PCDHA3: variants seen among roughly 807,000 people sequenced by gnomAD.
The protein encoded by PCDHA3 is protocadherin alpha 3.
PCDHA3 carries 41 observed loss-of-function variants against 62.2 expected under a neutral mutation model. The observed-to-expected ratio is 0.66, with a 90% CI of 0.51 to 0.86. The LOEUF is 0.86. Among genes scored for constraint, PCDHA3 ranks in the 40% least tolerant of loss-of-function variants. The pLI, the probability that PCDHA3 is intolerant of heterozygous loss-of-function variation, is 0.00. For missense variants in PCDHA3, 1,304 were observed against 1,241.2 expected (o/e 1.05, Z -0.76); for synonymous variants, 640 against 555.4 (o/e 1.15, Z -2.14).
intron 1 of PCDHA3, among the ~76,000 whole-genome samples, chr5:140,887,546 T>C (rs1554183101): frequency 1.3e-5 from 2 of 152,114 alleles, no homozygotes; most frequent in Non-Finnish European, 2.9e-5. Flanking sequence ...CCACCCCTCA[T>C]GGTTACTGTT....
At chr5:140,882,534 G>C in intron 1 of PCDHA3, 1 of 1,614,204 alleles carries the variant, frequency 6.2e-7, no homozygotes. Flanking sequence ...GTGAATTCTC[G>C]GATCGACCGC....
At chr5:140,968,167 A>C (rs782252124) in intron 1 of PCDHA3, 1 of 1,614,076 alleles carries the variant, frequency 6.2e-7, no homozygotes, top group Admixed American at 1.7e-5. Flanking sequence ...ACAATCCACC[A>C]AGCTTCCTGG....
intron 1 of PCDHA3, among the ~76,000 whole-genome samples, chr5:140,837,942 G>T (rs1554136705): frequency 2.0e-5 from 3 of 151,768 alleles, no homozygotes; most frequent in Admixed American, 1.3e-4. Flanking sequence ...GCCTCCCAAA[G>T]TATTGGGATT....
chr5:140,982,706 T>C, intron 3 of PCDHA3, 143 bp downstream of exon 3: 1 of 1,375,170 alleles, frequency 7.3e-7, no homozygotes, highest in Admixed American at 2.9e-5. Flanking sequence ...ATGATTTCCT[T>C]ACATATATGA....
At chr5:140,828,970 T>C in intron 1 of PCDHA3, 1 of 1,614,206 alleles carries the variant, frequency 6.2e-7, no homozygotes, top group Non-Finnish European at 8.5e-7. Flanking sequence ...TTGACCACTT[T>C]AGCATAGATC....
At chr5:140,902,324 C>A (rs1554190388) in intron 1 of PCDHA3, among the ~76,000 whole-genome samples, 1 of 151,472 alleles carries the variant, frequency 6.6e-6, no homozygotes, top group Non-Finnish European at 1.5e-5. Context: ...AGGTGTAACT[C>A]ACTTCGCCTG....
rs149296153 is a variant in PCDHA3, at chr5:140,837,442, G to A, written c.2394+33851G>A. Among the ~76,000 whole-genome samples the A allele has an allele frequency of 1.9e-4, 29 of 151,938 alleles. No individual in the cohort carries two copies. The East Asian group carries it at 5.2e-3, about 27-fold the overall frequency. Reference sequence around the variant, plus strand: ...AATTTCAAAGAGTGAAATCTAGTACGTAGTAAAAAATCTCCTTGCCTCCTC... The same window carrying A: ...AATTTCAAAGAGTGAAATCTAGTACATAGTAAAAAATCTCCTTGCCTCCTC... On this transcript the variant is annotated intron_variant, in intron 1 of 3. Coordinates refer to ENST00000522353, the MANE Select transcript of PCDHA3 (RefSeq NM_018906.3).
chr5:140,929,225 C>T (rs1249117880), intron 1 of PCDHA3: 2 of 1,613,724 alleles, frequency 1.2e-6, no homozygotes, highest in Non-Finnish European at 1.7e-6. Flanking sequence ...TACAATGCTG[C>T]CGACCTGCGA....
At chr5:141,003,368 G>C (rs2098121009) in intron 3 of PCDHA3, among the ~76,000 whole-genome samples, 1 of 152,190 alleles carries the variant, frequency 6.6e-6, no homozygotes, top group Non-Finnish European at 1.5e-5. Flanking sequence ...CTGGAGTGCA[G>C]TGGTGCAATC....
At chr5:140,815,455 A>C (rs1554126782) in intron 1 of PCDHA3, 1 of 152,158 alleles carries the variant, frequency 6.6e-6, no homozygotes, top group African/African-American at 2.4e-5. Flanking sequence ...TCACAAAACA[A>C]AACTCATTAT....
chr5:140,883,851 T>C, intron 1 of PCDHA3: 1 of 1,612,946 alleles, frequency 6.2e-7, no homozygotes, highest in African/African-American at 1.3e-5. Context: ...CACGAGGAGC[T>C]GGAGCTGTTG....
chr5:140,808,549 G>T (rs782013709), intron 1 of PCDHA3: 1 of 1,614,016 alleles, frequency 6.2e-7, no homozygotes, highest in African/African-American at 1.3e-5. Flanking sequence ...ACGCTCCGGC[G>T]TTCGCGCAGC....
At chr5:140,926,731 G>C (rs1282301090) in intron 1 of PCDHA3, 9 of 1,104,780 alleles carry the variant, frequency 8.1e-6, no homozygotes, top group Middle Eastern at 3.2e-4. Flanking sequence ...GCCGGCGTTC[G>C]GGAGGCGCAA....
chr5:140,899,140 G>A (rs2067159296), intron 1 of PCDHA3, among the ~76,000 whole-genome samples: 1 of 152,090 alleles, frequency 6.6e-6, no homozygotes, highest in Non-Finnish European at 1.5e-5. Flanking sequence ...CTGCAAACAG[G>A]GACAATTTGA....
intron 1 of PCDHA3, chr5:140,831,275 T>C (rs2150193117): frequency 5.3e-5 from 8 of 152,198 alleles, no homozygotes; most frequent in Admixed American, 1.3e-4. Flanking sequence ...CACTTGATGG[T>C]CTTCTCTTCA....
chr5:140,868,957 A>G (rs2050760003), intron 1 of PCDHA3: 2 of 1,389,232 alleles, frequency 1.4e-6, no homozygotes, highest in East Asian at 2.3e-5. Context: ...AGGCACTCCC[A>G]TACAAAGGAA....
chr5:140,927,582 G>A lies in PCDHA3; in HGVS notation c.2395-51367G>A, dbSNP rs1554204771. On this transcript the variant is annotated intron_variant, in intron 1 of 3. Transcript: ENST00000522353. ...TTGTGGTGGACACAAATGACAACGCGCCTGTATTTGAGCGCTCCGTATACC... is the reference window on the plus strand; with the variant it reads ...TTGTGGTGGACACAAATGACAACGCACCTGTATTTGAGCGCTCCGTATACC... 3.7e-6 allele frequency: 6 copies of A among 1,614,174 alleles called. No individual in the cohort carries two copies. In the East Asian group the frequency reaches 1.1e-4, roughly 30 times the overall value.
At chr5:140,837,994 CT>C (rs2150281652) in intron 1 of PCDHA3, among the ~76,000 whole-genome samples, 1 of 150,612 alleles carries the variant, frequency 6.6e-6, no homozygotes, top group Non-Finnish European at 1.5e-5. Flanking sequence ...TTCATCTTTC[CT>C]TTTTTTTAAA....
intron 1 of PCDHA3, chr5:140,853,216 G>T: frequency 1.0e-6 from 1 of 983,832 alleles, no homozygotes; most frequent in Non-Finnish European, 1.2e-6. Context: ...TGTATTGATG[G>T]GATTGGTAAT....
Sources: gnomAD v4.1 joint callset for allele counts (sites outside exome capture counted in the v4.1 genomes callset) on GRCh38, gnomAD v4.1.1 for gene constraint, MANE v1.5 for transcripts, NCBI Gene and HGNC (gene_info 2026-07-23, HGNC 2026-07-21) for gene names.